The following PTTG1IP2 variants were observed in gnomAD, a reference collection of about 807,000 sequenced individuals.
The protein encoded by PTTG1IP2 is PTTG1IP family member 2.
At chr7:90,479,127 T>C (rs1797785855) in intron 1 of PTTG1IP2, 101 bp from the exon 2 acceptor site, 1 of 152,592 alleles carries the variant, frequency 6.6e-6, no homozygotes, top group Admixed American at 6.5e-5. Context: ...TGGATGACTA[T>C]GGCTTAAAAC....
At chr7:90,491,233 A>G (rs1009181223) in intron 4 of PTTG1IP2, among the ~76,000 whole-genome samples, 1 of 152,260 alleles carries the variant, frequency 6.6e-6, no homozygotes, top group Non-Finnish European at 1.5e-5. Flanking sequence ...CATGTACTCA[A>G]TGCCTCCTTG....
At chr7:90,482,869 C>T (rs1296141478) in intron 2 of PTTG1IP2, among the ~76,000 whole-genome samples, 1 of 152,108 alleles carries the variant, frequency 6.6e-6, no homozygotes, top group East Asian at 1.9e-4. Flanking sequence ...GACAAAAAGG[C>T]GTCAAGTTAC....
chr7:90,506,859 A>T (rs1290035212), intron 6 of PTTG1IP2, among the ~76,000 whole-genome samples: 1 of 152,078 alleles, frequency 6.6e-6, no homozygotes, highest in Non-Finnish European at 1.5e-5. Flanking sequence ...TGTGCATTGC[A>T]TTAAGTTCAA....
At chr7:90,482,901 G>T (rs1456805246) in intron 2 of PTTG1IP2, among the ~76,000 whole-genome samples, 1 of 152,114 alleles carries the variant, frequency 6.6e-6, no homozygotes, top group Non-Finnish European at 1.5e-5. Context: ...TGGGATTTTT[G>T]AATCTCCTGC....
intron 1 of PTTG1IP2, among the ~76,000 whole-genome samples, chr7:90,478,340 T>C (rs545476904): frequency 6.6e-6 from 1 of 152,318 alleles, no homozygotes; most frequent in Non-Finnish European, 1.5e-5. Context: ...GTCCTTCACA[T>C]AGCTGAGGCA....
chr7:90,512,466 C>G (rs531099674), intron 6 of PTTG1IP2, among the ~76,000 whole-genome samples: 1 of 151,954 alleles, frequency 6.6e-6, no homozygotes, highest in Non-Finnish European at 1.5e-5. Flanking sequence ...AGGGACGAAC[C>G]GGGTGGAGGC....
At chr7:90,492,517 T>A (rs1339197617) in intron 5 of PTTG1IP2, among the ~76,000 whole-genome samples, 1 of 152,144 alleles carries the variant, frequency 6.6e-6, no homozygotes, top group Non-Finnish European at 1.5e-5. Flanking sequence ...ATTGCATACA[T>A]ATTGCGCCAT....
At chr7:90,478,096 C>CAAAAA (rs370035849) in intron 1 of PTTG1IP2, among the ~76,000 whole-genome samples, 25 of 67,972 alleles carry the variant, frequency 3.7e-4, no homozygotes, top group African/African-American at 9.3e-4. Context: ...GACTCCGTCT[C>CAAAAA]AAAAAAAAAA....
intron 6 of PTTG1IP2, among the ~76,000 whole-genome samples, chr7:90,507,308 C>G (rs1421716562): frequency 1.3e-5 from 2 of 152,148 alleles, no homozygotes. Flanking sequence ...CAAGGGACTT[C>G]TCCTAAAATG....
intron 1 of PTTG1IP2, among the ~76,000 whole-genome samples, chr7:90,478,248 T>A (rs1797774929): frequency 6.6e-6 from 1 of 152,122 alleles, no homozygotes; most frequent in Non-Finnish European, 1.5e-5. Context: ...GTGGGAAGCA[T>A]GTAGAGCTCT....
At chr7:90,497,714 AT>A (rs774064856) in intron 6 of PTTG1IP2, among the ~76,000 whole-genome samples, 12,833 of 28,556 alleles carry the variant, frequency 0.45, 3,720 homozygotes, top group African/African-American at 0.49. Flanking sequence ...AAGACCCTGT[AT>A]AAAAAAAAAA....
chr7:90,480,249 C>G (rs890560251), intron 2 of PTTG1IP2, among the ~76,000 whole-genome samples: 1 of 152,154 alleles, frequency 6.6e-6, no homozygotes, highest in Non-Finnish European at 1.5e-5. Context: ...TGTACCTACT[C>G]TTTAGCCTCA....
At chr7:90,508,675 T>C (rs1798153050) in intron 6 of PTTG1IP2, among the ~76,000 whole-genome samples, 1 of 152,226 alleles carries the variant, frequency 6.6e-6, no homozygotes, top group Admixed American at 6.5e-5. Flanking sequence ...TTACATGTGT[T>C]AACTCATTGA....
At chr7:90,489,107 A>G (rs1419139115) in intron 4 of PTTG1IP2, 143 bp downstream of exon 4, 1 of 151,672 alleles carries the variant, frequency 6.6e-6, no homozygotes, top group Non-Finnish European at 1.5e-5. Flanking sequence ...AAGTCCAAAA[A>G]GTACGGAAAT....
At chr7:90,498,032 CTT>C (rs202082533) in intron 6 of PTTG1IP2, among the ~76,000 whole-genome samples, 2 of 146,670 alleles carry the variant, frequency 1.4e-5, no homozygotes. Flanking sequence ...TGAACCCCCC[CTT>C]TTTTTTTTTG....
intron 1 of PTTG1IP2, among the ~76,000 whole-genome samples, chr7:90,475,146 A>C (rs1201885799): frequency 6.6e-5 from 10 of 152,108 alleles, no homozygotes; most frequent in Non-Finnish European, 8.8e-5. Context: ...GATGAACTGG[A>C]GCTAAGGAAC....
At chr7:90,496,744 T>C (rs1050533210) in intron 6 of PTTG1IP2, among the ~76,000 whole-genome samples, 3 of 152,166 alleles carry the variant, frequency 2.0e-5, no homozygotes, top group Non-Finnish European at 4.4e-5. Context: ...CCTTTGGGCA[T>C]AGTTTGTTCT....
chr7:90,477,130 G>T (rs1237810333), intron 1 of PTTG1IP2, among the ~76,000 whole-genome samples: 1 of 152,148 alleles, frequency 6.6e-6, no homozygotes, highest in South Asian at 2.1e-4. Flanking sequence ...AGAGCTAGGA[G>T]AAATGATACA....
At position 90,493,503 on chromosome 7, in the gene PTTG1IP2, G is replaced by A. The variant is rs1158875613; in HGVS notation, c.452-864G>A. Among the ~76,000 whole-genome samples, 5 of 152,112 alleles carry A rather than the reference G, an allele frequency of 3.3e-5. No homozygotes were observed. The East Asian group carries it at 7.7e-4, about 23-fold the overall frequency. ...AATTTTCCCCATCCATTTTAAATTC[G>A]ACAACACATTGACCCAGGAAAAACA... On this transcript the variant is annotated intron_variant, in intron 5 of 6. Coordinates refer to ENST00000509356, the MANE Select transcript of PTTG1IP2 (RefSeq NM_001365443.2).
Sources: allele counts gnomAD v4.1 joint callset (sites outside exome capture counted in the v4.1 genomes callset), GRCh38; gene constraint gnomAD v4.1.1; transcripts MANE v1.5; gene names NCBI Gene and HGNC (gene_info 2026-07-23, HGNC 2026-07-21).